OLFM2: variants seen among roughly 807,000 people sequenced by gnomAD.
OLFM2 encodes olfactomedin 2.
In OLFM2, 20 loss-of-function variants were observed where a neutral mutation model predicts 43.9. The observed-to-expected ratio is 0.46, with a 90% confidence interval of 0.32 to 0.66. OLFM2 has a LOEUF of 0.66. Among genes scored for constraint, OLFM2 ranks in the 30% least tolerant of loss-of-function variants. The pLI is 0.04. For missense variants in OLFM2, 416 were observed against 643.6 expected, an observed-to-expected ratio of 0.65 and a Z score of 3.83; for synonymous variants, 268 against 278.6, an observed-to-expected ratio of 0.96 and a Z score of 0.38.
chr19:9,905,925 G>C (rs1305177826), intron 1 of OLFM2, among the ~76,000 whole-genome samples: 1 of 152,186 alleles, frequency 6.6e-6, no homozygotes, highest in Non-Finnish European at 1.5e-5. Context: ...GCATGGCTTT[G>C]CCACGCTCAG....
chr19:9,857,119 T>C lies in OLFM2; in HGVS notation c.580+144A>G. The C allele has an allele frequency of 2.2e-6, 2 of 889,748 alleles. No individual in the cohort carries two copies. Among genetic ancestry groups the C allele is most frequent in the Non-Finnish European group, 1.8e-6 (1 of 558,418 alleles). The allele number at this position is 889,748 out of a possible 1,614,324, so 55.1% of individuals were successfully genotyped here. A position where few individuals can be genotyped will look rare whatever the true frequency, so the allele number is the denominator to read the frequency against. ...GCCATTTCCAGCTTCTGGACTCAAG[T>C]GTAGCCTTAGGTAGGAAGGTCAAGG... On this transcript the variant is annotated intron_variant, in intron 4 of 5. Coordinates refer to ENST00000264833, the MANE Select transcript of OLFM2 (RefSeq NM_058164.4). The surrounding 1 kb of genome is among the most constrained non-coding windows in gnomAD (Gnocchi z 5.7).
At chr19:9,863,173 T>A (rs905038397) in intron 1 of OLFM2, among the ~76,000 whole-genome samples, 3 of 152,022 alleles carry the variant, frequency 2.0e-5, no homozygotes, top group Non-Finnish European at 4.4e-5. Flanking sequence ...GTAGAAAGGC[T>A]GAGGCAGGAC....
At chr19:9,868,508 A>G (rs1280977938) in intron 1 of OLFM2, among the ~76,000 whole-genome samples, 1 of 152,146 alleles carries the variant, frequency 6.6e-6, no homozygotes, top group Non-Finnish European at 1.5e-5. Flanking sequence ...TGTCCAGCCA[A>G]TTTACAAATT....
chr19:9,857,869 T>C lies in OLFM2; in HGVS notation c.214-8A>G. ...CTGGGAGACGTTCTGGACCTAGGAA[T>C]GGGGACAACTGAAGGGACCAGACCT... On this transcript the variant is annotated splice_region_variant and splice_polypyrimidine_tract_variant and intron_variant, in intron 2 of 5. Coordinates refer to ENST00000264833, the MANE Select transcript of OLFM2 (RefSeq NM_058164.4). The surrounding 1 kb of genome is among the most constrained non-coding windows in gnomAD (Gnocchi z 5.7). 1 of 1,613,928 alleles carries C rather than the reference T, an allele frequency of 6.2e-7. No individual in the cohort carries two copies. Among genetic ancestry groups the C allele is most frequent in the Non-Finnish European group, 8.5e-7 (1 of 1,180,020 alleles).
intron 1 of OLFM2, among the ~76,000 whole-genome samples, chr19:9,870,962 G>A (rs1016406058): frequency 1.8e-4 from 28 of 151,976 alleles, no homozygotes; most frequent in East Asian, 3.9e-4. Context: ...TTGGGAGGCC[G>A]AGGTGAGCTC....
Position 9,853,772 on chromosome 19 carries a change from A to G in OLFM2, c.*414T>C, listed in dbSNP as rs191920347. 2 of 330,762 alleles carry G rather than the reference A, an allele frequency of 6.0e-6. No homozygotes were observed. The highest frequency in any genetic ancestry group is 4.7e-5 in the East Asian group (1 of 21,244). 20.5% of individuals were successfully genotyped at this position (330,762 alleles called of 1,614,324 possible). ...CAAACCGGAAAGAAAAAGTGTAAAT[A>G]AAAAAAGAAACAGATCCATGCACTC... On this transcript the variant is annotated 3_prime_UTR_variant, in exon 6 of 6. Transcript: ENST00000264833.
intron 1 of OLFM2, among the ~76,000 whole-genome samples, chr19:9,891,937 G>A (rs1360396712): frequency 2.0e-5 from 3 of 152,188 alleles, no homozygotes; most frequent in East Asian, 1.9e-4. Context: ...GCATATGAAT[G>A]TATAAAACAG....
chr19:9,862,714 C>T (rs193285819), intron 1 of OLFM2, among the ~76,000 whole-genome samples: 42 of 152,058 alleles, frequency 2.8e-4, no homozygotes, highest in African/African-American at 1.0e-3. Context: ...GTGGCTCACA[C>T]CTGTAATCCT....
intron 1 of OLFM2, among the ~76,000 whole-genome samples, chr19:9,882,873 G>T (rs2046551229): frequency 6.6e-6 from 1 of 150,794 alleles, no homozygotes; most frequent in Admixed American, 6.6e-5. Flanking sequence ...TTCCAGCCTG[G>T]GGAACAGAGC....
At chr19:9,927,841 C>G (rs2086462379) in intron 1 of OLFM2, among the ~76,000 whole-genome samples, 1 of 151,750 alleles carries the variant, frequency 6.6e-6, no homozygotes, top group African/African-American at 2.4e-5. Flanking sequence ...TGAGGCGGAT[C>G]ACTTGAGGTC....
chr19:9,892,206 G>C (rs1271917745), intron 1 of OLFM2, among the ~76,000 whole-genome samples: 1 of 152,140 alleles, frequency 6.6e-6, no homozygotes, highest in Non-Finnish European at 1.5e-5. Context: ...TGGTGTGACT[G>C]TGTGTGTGCA....
chr19:9,872,119 C>T (rs574597195), intron 1 of OLFM2, among the ~76,000 whole-genome samples: 1 of 152,110 alleles, frequency 6.6e-6, no homozygotes, highest in Non-Finnish European at 1.5e-5. Context: ...TGACAGGGGG[C>T]CACGTCCCTT....
At chr19:9,887,783 G>A (rs2046600779) in intron 1 of OLFM2, among the ~76,000 whole-genome samples, 1 of 152,140 alleles carries the variant, frequency 6.6e-6, no homozygotes, top group African/African-American at 2.4e-5. Context: ...GATTACACCT[G>A]TAATCCCAGT....
chr19:9,930,943 C>T (rs1156696232), intron 1 of OLFM2, among the ~76,000 whole-genome samples: 3 of 152,116 alleles, frequency 2.0e-5, no homozygotes, highest in African/African-American at 7.2e-5. Context: ...TGGGCACCCC[C>T]ATCCCACATA....
At chr19:9,895,344 T>C (rs2046674226) in intron 1 of OLFM2, among the ~76,000 whole-genome samples, 1 of 151,686 alleles carries the variant, frequency 6.6e-6, no homozygotes, top group Admixed American at 6.6e-5. Flanking sequence ...AATTTTTTTT[T>C]AATTAGCGGG....
intron 1 of OLFM2, among the ~76,000 whole-genome samples, chr19:9,931,406 T>A (rs971034415): frequency 4.6e-5 from 7 of 151,968 alleles, no homozygotes; most frequent in Non-Finnish European, 7.4e-5. Flanking sequence ...CAATTTTTTT[T>A]AAAGTTACTG....
rs550941775 is a variant in OLFM2 at position 9,913,405 on chromosome 19, G to A, written c.63+22899C>T. On this transcript the variant is annotated intron_variant, in intron 1 of 5. Coordinates refer to ENST00000264833, the MANE Select transcript of OLFM2 (RefSeq NM_058164.4). ...GTAGAGGGGGACAGGTGGGGGCCCC[G>A]GGGGCTGCGGCGGCGGCAGCGGCTG... 640 of 872,466 alleles carry A rather than the reference G, an allele frequency of 7.3e-4. 3 individuals carry two copies. The South Asian group carries it at 0.014, about 19-fold the overall frequency. The allele number at this position is 872,466 out of a possible 1,614,324, so 54.0% of individuals were successfully genotyped here.
intron 1 of OLFM2, among the ~76,000 whole-genome samples, chr19:9,933,930 C>T (rs952697036): frequency 5.3e-5 from 8 of 152,108 alleles, no homozygotes. Flanking sequence ...ATTTAGTTGC[C>T]GACACCGTAT....
At chr19:9,860,881 C>T in intron 1 of OLFM2, 87 bp from the exon 2 acceptor site, 1 of 1,384,630 alleles carries the variant, frequency 7.2e-7, no homozygotes, top group South Asian at 1.3e-5. Flanking sequence ...CCAAGGAAAC[C>T]ACAGATGCCC....
Sources: gnomAD v4.1 joint callset for allele counts (sites outside exome capture counted in the v4.1 genomes callset) on GRCh38, gnomAD v4.1.1 for gene constraint, Gnocchi (gnomAD v3.1) non-coding constraint, MANE v1.5 for transcripts, NCBI Gene and HGNC (gene_info 2026-07-23, HGNC 2026-07-21) for gene names.